Variants in ZNF420 observed in about 807,000 individuals in gnomAD.
The protein encoded by ZNF420 is ATM and p53-associated KZNF protein.
ZNF420 carries 31 observed loss-of-function variants against 44.7 expected under a neutral mutation model. The ratio of observed to expected loss-of-function variants is 0.69; its 90% CI spans 0.52 to 0.94. The LOEUF is 0.94. Among genes scored for constraint, ZNF420 ranks in the 40% least tolerant of loss-of-function variants. The pLI, the probability that ZNF420 is intolerant of heterozygous loss-of-function variation, is 0.00. For missense variants in ZNF420, 681 were observed against 827.9 expected (o/e 0.82, Z 2.18); for synonymous variants, 245 against 267.4 (o/e 0.92, Z 0.82).
intron 1 of ZNF420, among the ~76,000 whole-genome samples, chr19:37,060,283 A>T (rs1198096502): frequency 6.6e-6 from 1 of 152,178 alleles, no homozygotes; most frequent in Admixed American, 6.5e-5. Context: ...CTTCTCTGAG[A>T]AACGAAGCCA....
chr19:37,020,485 T>C (rs1313165166), intron 1 of ZNF420, among the ~76,000 whole-genome samples: 1 of 152,210 alleles, frequency 6.6e-6, no homozygotes, highest in Non-Finnish European at 1.5e-5. Flanking sequence ...AGAGAGAACA[T>C]GCCTGGCCTA....
At chr19:37,067,049 AAC>A (rs1161550308) in intron 1 of ZNF420, among the ~76,000 whole-genome samples, 2 of 152,250 alleles carry the variant, frequency 1.3e-5, no homozygotes, top group African/African-American at 4.8e-5. Flanking sequence ...ACATACAAAA[AAC>A]ACATATTTCA....
At chr19:37,081,692 A>ATTT (rs1568442797) in intron 2 of ZNF420, among the ~76,000 whole-genome samples, 13 of 131,132 alleles carry the variant, frequency 9.9e-5, no homozygotes, top group African/African-American at 3.9e-4. Context: ...TGCCCAGCTA[A>ATTT]TTTTTGTATT....
chr19:37,041,692 G>T (rs543183339), intron 1 of ZNF420, among the ~76,000 whole-genome samples: 72 of 152,238 alleles, frequency 4.7e-4, no homozygotes, highest in Non-Finnish European at 8.4e-4. Flanking sequence ...ACATAGAGGT[G>T]CTAGCTGGTA....
At chr19:37,008,218 C>CGG (rs34655825) in intron 1 of ZNF420, 1 of 295,604 alleles carries the variant, frequency 3.4e-6, no homozygotes, top group Non-Finnish European at 6.4e-6. Flanking sequence ...CTGGGGCGGG[C>CGG]GGGGGGGGAT....
At chr19:37,084,732 T>G (rs1968661653) in intron 2 of ZNF420, among the ~76,000 whole-genome samples, 1 of 152,196 alleles carries the variant, frequency 6.6e-6, no homozygotes, top group Non-Finnish European at 1.5e-5. Context: ...GTATTTCTGT[T>G]TTTTCTTGTG....
chr19:37,024,292 A>G (rs1254459582), intron 1 of ZNF420, among the ~76,000 whole-genome samples: 1 of 152,046 alleles, frequency 6.6e-6, no homozygotes, highest in Admixed American at 6.6e-5. Context: ...GCCTCTCTAA[A>G]ATGTGTAAAG....
intron 1 of ZNF420, among the ~76,000 whole-genome samples, chr19:37,017,218 C>T (rs909217912): frequency 6.6e-6 from 1 of 152,166 alleles, no homozygotes; most frequent in African/African-American, 2.4e-5. Context: ...GTACAGGTGA[C>T]ATCTGGACTT....
At chr19:37,061,874 G>C in intron 1 of ZNF420, among the ~76,000 whole-genome samples, 1 of 152,168 alleles carries the variant, frequency 6.6e-6, no homozygotes, top group East Asian at 1.9e-4. Context: ...GAGTTTCTGA[G>C]GAAGAAATGA....
intron 1 of ZNF420, among the ~76,000 whole-genome samples, chr19:37,052,617 A>T (rs1415611332): frequency 1.3e-5 from 2 of 152,072 alleles, no homozygotes; most frequent in African/African-American, 4.8e-5. Flanking sequence ...TCCTTCTCTT[A>T]TGAAGTTTAG....
Position 37,110,122 on chromosome 19 carries a change from A to G in ZNF420, c.137-17006A>G, listed in dbSNP as rs141571663. On this transcript the variant is annotated intron_variant, in intron 4 of 4. Transcript: ENST00000337995. ...ACTCCCATTACAGCAAAATAAGATA[A>G]TAAATGTTTTTTAACATGGGAAGTA... Among the ~76,000 whole-genome samples, 13 of 152,364 alleles carry G rather than the reference A, an allele frequency of 8.5e-5. No individual in the cohort carries two copies. The East Asian group carries it at 2.1e-3, about 25-fold the overall frequency.
chr19:37,115,569 C>A (rs1020767580), intron 4 of ZNF420, among the ~76,000 whole-genome samples: 1 of 151,928 alleles, frequency 6.6e-6, no homozygotes, highest in Non-Finnish European at 1.5e-5. Flanking sequence ...GCTGCTAGCA[C>A]GTCTCACCTC....
chr19:37,052,316 A>G (rs1252296269), intron 1 of ZNF420, among the ~76,000 whole-genome samples: 8 of 151,640 alleles, frequency 5.3e-5, no homozygotes, highest in African/African-American at 1.5e-4. Flanking sequence ...TCTTTATCCA[A>G]TTTGCCAGTC....
chr19:37,130,093 A>T lies in ZNF420; in HGVS notation c.*1035A>T. On this transcript the variant is annotated 3_prime_UTR_variant, in exon 5 of 5. Transcript: ENST00000337995. ...TATTTATATGAGTAGGAGATTTACGAAATCCATTTTTCCTGTCTTTTTTTC... is the reference window on the plus strand; with the variant it reads ...TATTTATATGAGTAGGAGATTTACGTAATCCATTTTTCCTGTCTTTTTTTC... 6.4e-7 allele frequency: 1 copy of T among 1,550,430 alleles called. No individual in the cohort carries two copies. The highest frequency in any genetic ancestry group is 1.2e-5 in the South Asian group (1 of 84,056).
At chr19:37,126,916 A>C (rs1465562734) in intron 4 of ZNF420, among the ~76,000 whole-genome samples, 1 of 152,186 alleles carries the variant, frequency 6.6e-6, no homozygotes, top group Non-Finnish European at 1.5e-5. Context: ...AATATTGCAG[A>C]ATAGAATAGA....
In ZNF420 at chr19:37,127,390, T is replaced by C; in HGVS notation, c.399T>C (p.His133=). 2 of 1,613,874 alleles carry C rather than the reference T, an allele frequency of 1.2e-6. No individual in the cohort carries two copies. The highest frequency in any genetic ancestry group is 1.1e-5 in the South Asian group (1 of 91,066). ...ACTTATCTCAACATTCAAGATGTCA[T>C]TCTACTGAGAAACCCTATAAATGTA... is the stretch of plus-strand genomic sequence containing the variant. ...HTYLSQHSRC[H]STEKPYKCKE... The change falls in exon 5 of 5, where the codon CAT becomes CAC. Residue 133 remains histidine, a synonymous_variant. Transcript: ENST00000337995.
At chr19:37,087,253 C>G (rs888962098) in intron 2 of ZNF420, among the ~76,000 whole-genome samples, 6 of 148,930 alleles carry the variant, frequency 4.0e-5, no homozygotes, top group African/African-American at 7.4e-5. Context: ...CCACTGCACT[C>G]CAGCTTGGTT....
At chr19:37,066,352 A>G (rs1971982595) in intron 1 of ZNF420, among the ~76,000 whole-genome samples, 1 of 152,130 alleles carries the variant, frequency 6.6e-6, no homozygotes, top group African/African-American at 2.4e-5. Flanking sequence ...CTGAGACAGG[A>G]TAATTGCTTT....
intron 1 of ZNF420, among the ~76,000 whole-genome samples, chr19:37,061,637 T>C (rs767630541): frequency 1.3e-5 from 2 of 152,188 alleles, no homozygotes; most frequent in Non-Finnish European, 1.5e-5. Flanking sequence ...AGGAAAATAT[T>C]TAAGATGTCT....
Sources: gnomAD v4.1 joint callset for allele counts (sites outside exome capture counted in the v4.1 genomes callset) on GRCh38, gnomAD v4.1.1 for gene constraint, MANE v1.5 for transcripts, NCBI Gene and HGNC (gene_info 2026-07-23, HGNC 2026-07-21) for gene names.